The following KCNC2 variants were observed in gnomAD, a reference collection of about 807,000 sequenced individuals.
KCNC2 encodes the protein potassium voltage-gated channel subfamily C member 2.
In KCNC2, 21 loss-of-function variants were observed where a neutral mutation model predicts 44.5. That is an observed-to-expected ratio of 0.47 (90% confidence interval 0.33 to 0.68). KCNC2 has a LOEUF of 0.68. Ranked by LOEUF, KCNC2 falls within the 30% of genes least tolerant of loss-of-function variation. The pLI, the probability that KCNC2 is intolerant of heterozygous loss-of-function variation, is 0.01. For missense variants in KCNC2, 589 were observed against 826.2 expected (o/e 0.71, Z 3.52); for synonymous variants, 391 against 339.1 (o/e 1.15, Z -1.68).
intron 2 of KCNC2, among the ~76,000 whole-genome samples, chr12:75,167,614 C>T (rs1019850832): frequency 6.6e-6 from 1 of 151,146 alleles, no homozygotes; most frequent in Non-Finnish European, 1.5e-5. Flanking sequence ...GGCTAATAAC[C>T]AGAGCTGACT....
chr12:75,084,251 T>C (rs937483799), intron 2 of KCNC2, among the ~76,000 whole-genome samples: 24 of 135,408 alleles, frequency 1.8e-4, no homozygotes, highest in Non-Finnish European at 3.1e-4. Flanking sequence ...AGATAGATGA[T>C]GATGATAGAT....
intron 2 of KCNC2, among the ~76,000 whole-genome samples, chr12:75,157,775 T>G (rs527732391): frequency 4.6e-5 from 7 of 152,022 alleles, no homozygotes; most frequent in African/African-American, 1.7e-4. Flanking sequence ...CAGTGATTAT[T>G]TTAATTAGCA....
Position 75,049,108 on chromosome 12 carries a change from A to G in KCNC2, c.1616-791T>C, listed in dbSNP as rs565119065. The stretch of plus-strand genomic sequence containing the variant: ...TCTACCTTTCATAAATACATTCTTA[A>G]CAGTTGTTAGATATATATTAGAAGA... On this transcript the variant is annotated intron_variant, in intron 3 of 4. Coordinates refer to ENST00000549446, the MANE Select transcript of KCNC2 (RefSeq NM_139137.4). Among the ~76,000 whole-genome samples, 6 of 152,294 alleles carry G rather than the reference A, an allele frequency of 3.9e-5. No individual in the cohort carries two copies. The South Asian group carries it at 1.0e-3, about 26-fold the overall frequency.
chr12:75,136,567 C>T (rs1889245299), intron 2 of KCNC2, among the ~76,000 whole-genome samples: 1 of 152,022 alleles, frequency 6.6e-6, no homozygotes, highest in South Asian at 2.1e-4. Flanking sequence ...GCTAGAAAGC[C>T]TAGAGGAAAT....
chr12:75,200,857 A>G (rs1180805684), intron 2 of KCNC2, among the ~76,000 whole-genome samples: 1 of 151,826 alleles, frequency 6.6e-6, no homozygotes, highest in African/African-American at 2.4e-5. Context: ...ATAATTTGAC[A>G]CTATTTTGTA....
chr12:75,092,523 T>C (rs190464326), intron 2 of KCNC2, among the ~76,000 whole-genome samples: 2 of 151,782 alleles, frequency 1.3e-5, no homozygotes, highest in Admixed American at 1.3e-4. Context: ...TATTCAAGCA[T>C]ATTTTACTCA....
intron 2 of KCNC2, among the ~76,000 whole-genome samples, chr12:75,081,264 G>C (rs960564554): frequency 1.3e-5 from 2 of 151,956 alleles, no homozygotes; most frequent in Non-Finnish European, 2.9e-5. Flanking sequence ...TCAAAAAATT[G>C]TAATACTCAG....
In KCNC2 at chr12:75,079,727, G is replaced by A. The variant is rs1007589946; in HGVS notation, c.688-28410C>T. ...GGATATATCTAAGCAACCAAATTGC[G>A]AGCTGGAGTTTTTAGCTCTTAATTA... On this transcript the variant is annotated intron_variant, in intron 2 of 4. Transcript: ENST00000549446. Among the ~76,000 whole-genome samples, 7 of 152,070 alleles carry A rather than the reference G, an allele frequency of 4.6e-5. No individual in the cohort carries two copies. The East Asian group carries it at 7.7e-4, about 17-fold the overall frequency.
intron 2 of KCNC2, among the ~76,000 whole-genome samples, chr12:75,125,633 T>C (rs1754115573): frequency 6.6e-6 from 1 of 152,240 alleles, no homozygotes; most frequent in South Asian, 2.1e-4. Context: ...CTATGCCTTC[T>C]GTTTTCATAT....
intron 2 of KCNC2, among the ~76,000 whole-genome samples, chr12:75,139,824 T>G (rs1406939512): frequency 6.6e-6 from 1 of 152,180 alleles, no homozygotes; most frequent in Admixed American, 6.5e-5. Context: ...TCGGAGGAAT[T>G]AATAAAGTAT....
intron 2 of KCNC2, among the ~76,000 whole-genome samples, chr12:75,054,511 A>G (rs1387795160): frequency 3.3e-5 from 5 of 152,108 alleles, no homozygotes; most frequent in Non-Finnish European, 5.9e-5. Flanking sequence ...GAGAATAACA[A>G]TGGAGAATAT....
At chr12:75,100,922 G>A (rs1200973692) in intron 2 of KCNC2, among the ~76,000 whole-genome samples, 4 of 152,028 alleles carry the variant, frequency 2.6e-5, no homozygotes, top group Non-Finnish European at 5.9e-5. Flanking sequence ...TTAGTGCATT[G>A]TAACACTGAA....
intron 2 of KCNC2, among the ~76,000 whole-genome samples, chr12:75,145,778 A>G (rs116648167): frequency 0.023 from 3,542 of 152,216 alleles, 141 homozygotes; most frequent in African/African-American, 0.081. Context: ...ATTAACTGAA[A>G]TATTTTGAAA....
At chr12:75,155,175 A>T (rs1373382142) in intron 2 of KCNC2, among the ~76,000 whole-genome samples, 1 of 151,902 alleles carries the variant, frequency 6.6e-6, no homozygotes, top group Admixed American at 6.6e-5. Context: ...TGGCTCAAAT[A>T]TTGCAATATA....
At chr12:75,069,853 A>G (rs557303107) in intron 2 of KCNC2, among the ~76,000 whole-genome samples, 1 of 152,286 alleles carries the variant, frequency 6.6e-6, no homozygotes, top group Non-Finnish European at 1.5e-5. Flanking sequence ...AGGGAGACCC[A>G]GGGAAGTAAG....
At chr12:75,096,304 A>T (rs889763470) in intron 2 of KCNC2, among the ~76,000 whole-genome samples, 2 of 152,046 alleles carry the variant, frequency 1.3e-5, no homozygotes, top group Admixed American at 6.6e-5. Flanking sequence ...TGTGTTCCAG[A>T]AACTCTTGAT....
chr12:75,116,925 C>G (rs1329852087), intron 2 of KCNC2, among the ~76,000 whole-genome samples: 1 of 152,206 alleles, frequency 6.6e-6, no homozygotes, highest in Non-Finnish European at 1.5e-5. Flanking sequence ...AGCATCTCAT[C>G]TGCTCTAGCT....
chr12:75,073,649 A>G (rs973752820), intron 2 of KCNC2, among the ~76,000 whole-genome samples: 1 of 152,228 alleles, frequency 6.6e-6, no homozygotes, highest in Non-Finnish European at 1.5e-5. Context: ...AACTATGTGC[A>G]ATTAAGATAT....
intron 2 of KCNC2, among the ~76,000 whole-genome samples, chr12:75,062,872 T>G (rs1210191419): frequency 6.6e-6 from 1 of 152,058 alleles, no homozygotes; most frequent in Non-Finnish European, 1.5e-5. Context: ...CGTTTTCACA[T>G]GTAGAATCTT....
Sources: gnomAD v4.1 joint callset for allele counts (sites outside exome capture counted in the v4.1 genomes callset) on GRCh38, gnomAD v4.1.1 for gene constraint, MANE v1.5 for transcripts, NCBI Gene and HGNC (gene_info 2026-07-23, HGNC 2026-07-21) for gene names.